MLLT3: variants seen among roughly 807,000 people sequenced by gnomAD.
The protein encoded by MLLT3 is protein AF-9.
Under a neutral mutation model 53.2 loss-of-function variants are expected in MLLT3, and 4 were observed. That is an observed-to-expected ratio of 0.08 (90% CI 0.04 to 0.17). MLLT3 has a LOEUF of 0.17. Among genes scored for constraint, MLLT3 ranks in the 10% least tolerant of loss-of-function variants. The pLI is 1.00. For synonymous variants in MLLT3, 283 were observed against 230.6 expected (o/e 1.23, Z -2.06); for missense variants, 569 against 684.0 (o/e 0.83, Z 1.87).
At chr9:20,383,161 T>C (rs1200938970) in intron 5 of MLLT3, among the ~76,000 whole-genome samples, 1 of 151,912 alleles carries the variant, frequency 6.6e-6, no homozygotes, top group East Asian at 1.9e-4. Context: ...AACACTATTG[T>C]GTTGTATATA....
chr9:20,578,191 T>A (rs561686334), intron 2 of MLLT3, among the ~76,000 whole-genome samples: 1 of 152,212 alleles, frequency 6.6e-6, no homozygotes, highest in Non-Finnish European at 1.5e-5. Context: ...TCTGCTGACC[T>A]TGACTAAATA....
At chr9:20,475,743 T>C (rs1438494169) in intron 2 of MLLT3, among the ~76,000 whole-genome samples, 2 of 152,128 alleles carry the variant, frequency 1.3e-5, no homozygotes, top group African/African-American at 4.8e-5. Flanking sequence ...CTGATTTACA[T>C]TACCTAGCTA....
chr9:20,545,723 C>A (rs1818768989), intron 2 of MLLT3, among the ~76,000 whole-genome samples: 1 of 151,856 alleles, frequency 6.6e-6, no homozygotes, highest in African/African-American at 2.4e-5. Flanking sequence ...CATTCATATT[C>A]AATTATGAAA....
chr9:20,613,394 T>G (rs1820749126), intron 2 of MLLT3, among the ~76,000 whole-genome samples: 1 of 152,126 alleles, frequency 6.6e-6, no homozygotes, highest in Non-Finnish European at 1.5e-5. Flanking sequence ...ATGTGCAAAA[T>G]AAATAGAATG....
At chr9:20,602,220 A>T (rs376227211) in intron 2 of MLLT3, among the ~76,000 whole-genome samples, 1 of 152,148 alleles carries the variant, frequency 6.6e-6, no homozygotes, top group Admixed American at 6.5e-5. Context: ...AGCCTCCAAA[A>T]ATTAAGAATT....
chr9:20,593,237 T>C (rs929697938), intron 2 of MLLT3, among the ~76,000 whole-genome samples: 12 of 152,128 alleles, frequency 7.9e-5, no homozygotes, highest in South Asian at 2.1e-4. Flanking sequence ...TGGAACCACC[T>C]CCTCTCTCCT....
chr9:20,602,741 C>A (rs1194048841), intron 2 of MLLT3, among the ~76,000 whole-genome samples: 4 of 147,922 alleles, frequency 2.7e-5, no homozygotes, highest in Non-Finnish European at 6.0e-5. Flanking sequence ...GCTCTTGTAA[C>A]AATGTTTTAT....
At chr9:20,480,818 A>C (rs1307044902) in intron 2 of MLLT3, among the ~76,000 whole-genome samples, 2 of 152,238 alleles carry the variant, frequency 1.3e-5, no homozygotes, top group African/African-American at 4.8e-5. Context: ...TCATATAATG[A>C]TAGGTATATA....
chr9:20,514,498 G>C (rs931387273), intron 2 of MLLT3, among the ~76,000 whole-genome samples: 4 of 151,904 alleles, frequency 2.6e-5, no homozygotes, highest in Non-Finnish European at 5.9e-5. Context: ...ACCATATAGG[G>C]GTTTTTATTA....
At chr9:20,532,532 C>T (rs1407846166) in intron 2 of MLLT3, 1 of 213,792 alleles carries the variant, frequency 4.7e-6, no homozygotes. Context: ...TCATCTTGCT[C>T]TCTCCTTCCG....
Position 20,620,350 on chromosome 9 carries a change from T to A in MLLT3, c.193+304A>T, listed in dbSNP as rs1040362333. Among the ~76,000 whole-genome samples the A allele has an allele frequency of 3.3e-5, 5 of 150,280 alleles. No homozygotes were observed. The highest frequency in any genetic ancestry group is 5.9e-5 in the Non-Finnish European group (4 of 67,654). On this transcript the variant is annotated intron_variant, in intron 2 of 10. Transcript: ENST00000380338. This position sits in a 1 kb window ranked among gnomAD's most constrained non-coding sequence, Gnocchi z 6.1. The stretch of plus-strand genomic sequence containing the variant: ...TCCCCACATCTCCAAACTCAACAAC[T>A]AATTGCACCTTCCCCACAGAACCCG...
rs1236666813 is a variant in MLLT3 at position 20,459,328 on chromosome 9, T to A, written c.194-2542A>T. 2.6e-5 allele frequency among the ~76,000 whole-genome samples: 4 copies of A among 152,004 alleles called. No individual in the cohort carries two copies. The East Asian group carries it at 7.7e-4, about 29-fold the overall frequency. ...AACGAAAACGTGAAAAGATCCAGAG[T>A]GGCTTCAGTCTTGCATTCACTGACC... On this transcript the variant is annotated intron_variant, in intron 2 of 10. Coordinates refer to ENST00000380338, the MANE Select transcript of MLLT3 (RefSeq NM_004529.4).
intron 2 of MLLT3, among the ~76,000 whole-genome samples, chr9:20,502,082 A>C (rs565300274): frequency 3.5e-4 from 29 of 83,216 alleles, no homozygotes; most frequent in African/African-American, 6.7e-4. Context: ...ACTCCATCTC[A>C]AAAAAAAAAA....
At chr9:20,563,031 C>T (rs1020508270) in intron 2 of MLLT3, among the ~76,000 whole-genome samples, 2 of 152,146 alleles carry the variant, frequency 1.3e-5, no homozygotes, top group Non-Finnish European at 2.9e-5. Flanking sequence ...GGCTTGCTAG[C>T]TTAGATCTCA....
At position 20,517,286 on chromosome 9, in the gene MLLT3, G is replaced by A. The variant is rs538647765; in HGVS notation, c.194-60500C>T. Among the ~76,000 whole-genome samples the A allele has an allele frequency of 5.9e-5, 9 of 152,140 alleles. No individual in the cohort carries two copies. In the South Asian group the frequency reaches 6.2e-4, roughly 11 times the overall value. ...GGGCTACAAAACCAACATCAAAAAA[G>A]AACAACACAAATCTCATAGCTCTAT... On this transcript the variant is annotated intron_variant, in intron 2 of 10. Transcript: ENST00000380338.
intron 2 of MLLT3, among the ~76,000 whole-genome samples, chr9:20,463,219 G>C (rs1025789336): frequency 1.3e-5 from 2 of 151,406 alleles, no homozygotes; most frequent in African/African-American, 4.9e-5. Context: ...TACTTCACTT[G>C]TTAGTAACTT....
chr9:20,541,613 G>T (rs573509986), intron 2 of MLLT3, among the ~76,000 whole-genome samples: 2 of 152,020 alleles, frequency 1.3e-5, no homozygotes, highest in African/African-American at 2.4e-5. Flanking sequence ...GGGGAAATCC[G>T]CCCCCATGAT....
At chr9:20,546,597 A>T (rs376736317) in intron 2 of MLLT3, among the ~76,000 whole-genome samples, 12 of 152,120 alleles carry the variant, frequency 7.9e-5, no homozygotes, top group African/African-American at 2.9e-4. Flanking sequence ...TGTATGGTAG[A>T]CACACCTGAC....
intron 2 of MLLT3, among the ~76,000 whole-genome samples, chr9:20,561,005 A>G (rs1182100377): frequency 3.3e-5 from 5 of 152,296 alleles, no homozygotes; most frequent in African/African-American, 9.6e-5. Context: ...GAGACAGTTT[A>G]GATAATTTAG....
Sources: allele counts gnomAD v4.1 joint callset (sites outside exome capture counted in the v4.1 genomes callset), GRCh38; gene constraint gnomAD v4.1.1; non-coding constraint Gnocchi (gnomAD v3.1); transcripts MANE v1.5; gene names NCBI Gene and HGNC (gene_info 2026-07-23, HGNC 2026-07-21).